Variants in MTHFD1 observed in about 807,000 individuals in gnomAD.
The protein encoded by MTHFD1 is C-1-tetrahydrofolate synthase, cytoplasmic.
In MTHFD1, 44 loss-of-function variants were observed where a neutral mutation model predicts 110.3. The ratio of observed to expected loss-of-function variants is 0.40; its 90% CI spans 0.31 to 0.51. MTHFD1 has a LOEUF of 0.51. Ranked by LOEUF, MTHFD1 falls within the 20% of genes least tolerant of loss-of-function variation. The pLI, the probability that MTHFD1 is intolerant of heterozygous loss-of-function variation, is 0.60. For missense variants in MTHFD1, 909 were observed against 1,173.1 expected, an observed-to-expected ratio of 0.77 and a Z score of 3.29; for synonymous variants, 402 against 428.8, an observed-to-expected ratio of 0.94 and a Z score of 0.77.
intron 25 of MTHFD1, among the ~76,000 whole-genome samples, chr14:64,454,259 C>T (rs556719395): frequency 4.6e-5 from 7 of 152,112 alleles, no homozygotes; most frequent in Non-Finnish European, 7.3e-5. Flanking sequence ...CCTACAGGCA[C>T]GCACCACCAC....
At chr14:64,424,160 C>G (rs559861118) in intron 8 of MTHFD1, 1 of 157,392 alleles carries the variant, frequency 6.4e-6, no homozygotes, top group Non-Finnish European at 1.4e-5. Flanking sequence ...TGGAAGTGCA[C>G]TGAAGCCAAG....
rs1234175276 is a variant in MTHFD1, at chr14:64,428,106, T to G, written c.1264+633T>G. Among the ~76,000 whole-genome samples, 295 of 141,004 alleles carry G rather than the reference T, an allele frequency of 2.1e-3. 4 individuals carry two copies. The highest frequency in any genetic ancestry group is 7.1e-3 in the African/African-American group (266 of 37,296). The allele number at this position is 141,004 out of a possible 152,430, so 92.5% of individuals were successfully genotyped here. ...GCTGCGGTACTAAGAACATGTGTTT[T>G]TTTTTTTTTTTTTTTTTTTTTGAGA... On this transcript the variant is annotated intron_variant, in intron 12 of 27. Coordinates refer to ENST00000652337, the MANE Select transcript of MTHFD1 (RefSeq NM_005956.4).
At chr14:64,405,376 T>A (rs903309019) in intron 2 of MTHFD1, among the ~76,000 whole-genome samples, 1 of 152,242 alleles carries the variant, frequency 6.6e-6, no homozygotes, top group African/African-American at 2.4e-5. Context: ...GTCTCCTACG[T>A]CCTTGCTGAT....
chr14:64,459,735 T>TG (rs1306634068), intron 27 of MTHFD1, 24 bp from the exon 28 acceptor site: 13 of 1,522,318 alleles, frequency 8.5e-6, no homozygotes, highest in Admixed American at 8.0e-5. Context: ...AGAGAAAACA[T>TG]TTATTTCTTG....
At position 64,458,263 on chromosome 14, in the gene MTHFD1, A is replaced by C. The variant is rs764372796; in HGVS notation, c.2768A>C (p.Asp923Ala). 1.2e-6 allele frequency: 2 copies of C among 1,613,156 alleles called. No individual in the cohort carries two copies. Among genetic ancestry groups the C allele is most frequent in the Non-Finnish European group, 1.7e-6 (2 of 1,179,616 alleles). ...ACCCGGCCCTGTTTTTATGATATTG[A>C]TTTGGACCCTGAAACAGAACAGGTG... Reference protein sequence around the residue: ...LPTRPCFYDIDLDPETEQVNG... With the variant: ...LPTRPCFYDIALDPETEQVNG... The change falls in exon 27 of 28, where the codon GAT (aspartate) becomes GCT (alanine). Residue 923 changes from aspartate to alanine, a missense_variant. Coordinates refer to ENST00000652337, the MANE Select transcript of MTHFD1 (RefSeq NM_005956.4).
chr14:64,443,701 CT>C (rs1267491850), intron 21 of MTHFD1, among the ~76,000 whole-genome samples: 1 of 151,980 alleles, frequency 6.6e-6, no homozygotes, highest in Non-Finnish European at 1.5e-5. Context: ...GATAGACTCC[CT>C]TTTTTTTCCC....
intron 4 of MTHFD1, among the ~76,000 whole-genome samples, chr14:64,414,761 C>T (rs935921602): frequency 1.4e-4 from 21 of 151,336 alleles, no homozygotes; most frequent in Admixed American, 8.6e-4. Context: ...ACTATCTCAG[C>T]GGACTGCAAC....
intron 8 of MTHFD1, among the ~76,000 whole-genome samples, chr14:64,421,791 T>C (rs1446097996): frequency 3.3e-5 from 5 of 151,064 alleles, no homozygotes; most frequent in Non-Finnish European, 7.4e-5. Flanking sequence ...GCCCGGCTAA[T>C]TTTTTTTGTA....
At position 64,441,532 on chromosome 14, in the gene MTHFD1, C is replaced by T. The variant is rs1031317975; in HGVS notation, c.1884+79C>T. 5.2e-5 allele frequency: 71 copies of T among 1,362,820 alleles called. 2 individuals are homozygous for T. The Middle Eastern group carries it at 8.4e-4, about 16-fold the overall frequency. 84.4% of individuals were successfully genotyped at this position (1,362,820 alleles called of 1,614,324 possible). A position where few individuals can be genotyped will look rare whatever the true frequency, so the allele number is the denominator to read the frequency against. ...GTGGTTATAAAGCACACTTGCAAGG[C>T]GCGGTGGCTCACACCTGTAATCCCA... On this transcript the variant is annotated intron_variant, in intron 19 of 27. Transcript: ENST00000652337.
intron 1 of MTHFD1, among the ~76,000 whole-genome samples, chr14:64,395,433 G>A (rs1406162522): frequency 6.6e-6 from 1 of 152,166 alleles, no homozygotes; most frequent in Non-Finnish European, 1.5e-5. Flanking sequence ...TTGAGTGGGT[G>A]GGGGTGGGGG....
At position 64,423,678 on chromosome 14, in the gene MTHFD1, G is replaced by A. The variant is rs180900831; in HGVS notation, c.728-1126G>A. Among the ~76,000 whole-genome samples, 249 of 148,368 alleles carry A rather than the reference G, an allele frequency of 1.7e-3. 1 individual carries two copies. Among genetic ancestry groups the A allele is most frequent in the Admixed American group, 5.5e-3 (82 of 14,818 alleles). ...CCCAAAGTGCTGGCATTACAGGTGT[G>A]AGCCACCACACCTGGCCCTAATTTT... On this transcript the variant is annotated intron_variant, in intron 8 of 27. Transcript: ENST00000652337.
rs768862277 is a variant in MTHFD1 at position 64,426,140 on chromosome 14, G to C, written c.1075G>C (p.Ala359Pro). ...AACAAAGGCCAAAGTTCTGCTGTCAGCACTAGAACGCCTGAAGCACCGGCC... is the reference window on the plus strand; with the variant it reads ...AACAAAGGCCAAAGTTCTGCTGTCACCACTAGAACGCCTGAAGCACCGGCC... ...GETKAKVLLS[A>P]LERLKHRPDG... The change falls in exon 11 of 28, where the codon GCA (alanine) becomes CCA (proline). Residue 359 changes from alanine to proline, a missense_variant. By Grantham distance (27) the Ala-to-Pro change is conservative. Around this residue, in one of 3 missense-constraint regions of MTHFD1, gnomAD observed 424 missense variants for 510.4 expected, o/e 0.83. Coordinates refer to ENST00000652337, the MANE Select transcript of MTHFD1 (RefSeq NM_005956.4). 29 of 1,614,182 alleles carry C rather than the reference G, an allele frequency of 1.8e-5. No individual in the cohort carries two copies. The highest frequency in any genetic ancestry group is 2.5e-5 in the Non-Finnish European group (29 of 1,180,042).
intron 26 of MTHFD1, among the ~76,000 whole-genome samples, chr14:64,457,101 G>A (rs2078487126): frequency 1.3e-5 from 2 of 152,150 alleles, no homozygotes; most frequent in South Asian, 2.1e-4. Flanking sequence ...AGGCCATTTT[G>A]GGCCAGTAAG....
intron 26 of MTHFD1, among the ~76,000 whole-genome samples, chr14:64,457,053 C>T (rs182190319): frequency 2.0e-5 from 3 of 152,088 alleles, no homozygotes; most frequent in African/African-American, 7.2e-5. Context: ...GTAGTGAGTA[C>T]AAATATAATT....
At chr14:64,420,097 C>T (rs905070380) in intron 8 of MTHFD1, among the ~76,000 whole-genome samples, 172 bp downstream of exon 8, 1 of 152,156 alleles carries the variant, frequency 6.6e-6, no homozygotes, top group Non-Finnish European at 1.5e-5. Flanking sequence ...TTGCCACTTG[C>T]AGGCAGGTCT....
chr14:64,430,222 A>G lies in MTHFD1; in HGVS notation c.1303A>G (p.Met435Val). Reference sequence around the variant, plus strand: ...AGGCGGCTACTCCCAGGTCATTCCTATGGAAGAGGTAAAGTATTCTGGGAT... The same window carrying G: ...AGGCGGCTACTCCCAGGTCATTCCTGTGGAAGAGGTAAAGTATTCTGGGAT... ...AGGGYSQVIP[M>V]EEFNLHLTGD... The change falls in exon 13 of 28, where the codon ATG becomes GTG. Residue 435 changes from methionine (M) to valine (V), a missense_variant. Around this residue, in one of 3 missense-constraint regions of MTHFD1, gnomAD observed 482 missense variants for 646.0 expected, o/e 0.75. Transcript: ENST00000652337. 6.2e-7 allele frequency: 1 copy of G among 1,613,514 alleles called. No individual in the cohort carries two copies. Among genetic ancestry groups the G allele is most frequent in the Non-Finnish European group, 8.5e-7 (1 of 1,179,948 alleles).
chr14:64,441,510 G>T, intron 19 of MTHFD1, 57 bp downstream of exon 19: 1 of 1,557,714 alleles, frequency 6.4e-7, no homozygotes, highest in Non-Finnish European at 8.9e-7. Context: ...GAGCAGAGTG[G>T]TTATAAAGCA....
chr14:64,452,816 G>A (rs1445496042), intron 24 of MTHFD1, among the ~76,000 whole-genome samples: 1 of 152,038 alleles, frequency 6.6e-6, no homozygotes, highest in Non-Finnish European at 1.5e-5. Flanking sequence ...GTGTCCCCAG[G>A]TCTGGTTTGA....
rs1326010512 is a variant in MTHFD1 at position 64,399,961 on chromosome 14, GA to G, written c.42-831del. 2.6e-5 allele frequency among the ~76,000 whole-genome samples: 4 copies of G among 152,138 alleles called. No homozygotes were observed. The East Asian group carries it at 7.7e-4, about 29-fold the overall frequency. Reference sequence around the variant, plus strand: ...CAACTAATTTTTTATTCTTTGTAGAGATGGGGTCTCACTATGTTGCCCAGGA... The same window carrying G: ...CAACTAATTTTTTATTCTTTGTAGAGTGGGGTCTCACTATGTTGCCCAGGA... On this transcript the variant is annotated intron_variant, in intron 1 of 27. Coordinates refer to ENST00000652337, the MANE Select transcript of MTHFD1 (RefSeq NM_005956.4).
Sources: allele counts gnomAD v4.1 joint callset (sites outside exome capture counted in the v4.1 genomes callset), GRCh38; gene constraint gnomAD v4.1.1; regional missense constraint gnomAD v4.1.1; transcripts MANE v1.5; gene names NCBI Gene and HGNC (gene_info 2026-07-23, HGNC 2026-07-21).